The following GLMN variants were observed in gnomAD, a reference collection of about 807,000 sequenced individuals.
GLMN encodes glomulin, FKBP associated protein.
A neutral mutation model predicts 87.8 loss-of-function variants in GLMN; 75 were observed. The observed-to-expected ratio is 0.85, with a 90% confidence interval of 0.71 to 1.04. The LOEUF (loss-of-function observed/expected upper bound fraction) is 1.04. GLMN is among the 50% of genes least tolerant of loss of function. The pLI, the probability that GLMN is intolerant of heterozygous loss-of-function variation, is 0.00. For missense variants in GLMN, 588 were observed against 658.8 expected (o/e 0.89, Z 1.18); for synonymous variants, 206 against 221.6 (o/e 0.93, Z 0.63).
chr1:92,268,396 GC>G (rs1294162336), intron 9 of GLMN, among the ~76,000 whole-genome samples: 3 of 152,188 alleles, frequency 2.0e-5, no homozygotes, highest in Non-Finnish European at 4.4e-5. Flanking sequence ...ATCTTCAACA[GC>G]AAGTGCTAAG....
the GLMN span, among the ~76,000 whole-genome samples, chr1:92,349,510 G>A: frequency 1.3e-5 from 2 of 152,094 alleles, no homozygotes; most frequent in African/African-American, 2.4e-5. Context: ...GATAGTCCAG[G>A]ATAACATAAA....
chr1:92,351,963 TTC>T, the GLMN span, among the ~76,000 whole-genome samples: 1 of 152,150 alleles, frequency 6.6e-6, no homozygotes, highest in African/African-American at 2.4e-5. Flanking sequence ...GTGTGTTGTG[TTC>T]TGTGTGAATT....
At chr1:92,351,648 C>G in the GLMN span, among the ~76,000 whole-genome samples, 1 of 152,094 alleles carries the variant, frequency 6.6e-6, no homozygotes, top group Non-Finnish European at 1.5e-5. Context: ...CACAAGAGGT[C>G]ACTGTGCTGA....
the GLMN span, among the ~76,000 whole-genome samples, chr1:92,305,574 A>G: frequency 2.0e-5 from 3 of 151,882 alleles, no homozygotes; most frequent in Non-Finnish European, 4.4e-5. Flanking sequence ...TTTGTTCATC[A>G]GAAGTTTCAA....
chr1:92,297,338 G>A, intron 3 of GLMN, 66 bp downstream of exon 3: 4 of 1,584,278 alleles, frequency 2.5e-6, no homozygotes, highest in Non-Finnish European at 3.5e-6. Context: ...TAAATGACTG[G>A]ATGAATAGCA....
Position 92,291,592 on chromosome 1 carries a change from GTGTGCTTTCCTA to G in GLMN, c.166-67_166-56del. 1.9e-6 allele frequency: 3 copies of G among 1,575,570 alleles called. No homozygotes were observed. In the South Asian group the frequency reaches 3.3e-5, roughly 17 times the overall value. On this transcript the variant is annotated intron_variant, in intron 3 of 18. Transcript: ENST00000370360. ...CACTGCCATCTATAGGACTCTCGCA[GTGTGCTTTCCTA>G]TCTTGGAAGAGCTCAGAATTGTTTC...
At chr1:92,346,169 GT>G in the GLMN span, among the ~76,000 whole-genome samples, 14,570 of 140,232 alleles carry the variant, frequency 0.1, 1,896 homozygotes, top group African/African-American at 0.33. Context: ...TCTCTTTTTT[GT>G]TTTTTTTTTT....
intron 7 of GLMN, among the ~76,000 whole-genome samples, chr1:92,282,280 G>A (rs1648153760): frequency 6.6e-6 from 1 of 152,182 alleles, no homozygotes; most frequent in African/African-American, 2.4e-5. Context: ...CTGTATCTCA[G>A]ACCACAGTGC....
At chr1:92,279,764 A>G (rs1647766665) in intron 7 of GLMN, among the ~76,000 whole-genome samples, 1 of 152,236 alleles carries the variant, frequency 6.6e-6, no homozygotes, top group Admixed American at 6.5e-5. Context: ...ATACTGTGCT[A>G]TTCCCATAGT....
At chr1:92,323,681 A>C in the GLMN span, 1 of 1,613,828 alleles carries the variant, frequency 6.2e-7, no homozygotes, top group East Asian at 2.2e-5. Flanking sequence ...AAAGCTGGTC[A>C]CAAAGCTAAC....
At chr1:92,311,124 A>G in the GLMN span, among the ~76,000 whole-genome samples, 1 of 152,144 alleles carries the variant, frequency 6.6e-6, no homozygotes, top group African/African-American at 2.4e-5. Flanking sequence ...ATTGGTCCTG[A>G]TCTGCAGTTT....
chr1:92,369,671 G>T, the GLMN span, among the ~76,000 whole-genome samples: 279 of 152,200 alleles, frequency 1.8e-3, no homozygotes, highest in African/African-American at 6.3e-3. Context: ...CCCTTTCATT[G>T]TGTATTGGGG....
chr1:92,251,805 T>C (rs1206356853), intron 16 of GLMN, among the ~76,000 whole-genome samples: 5 of 151,960 alleles, frequency 3.3e-5, no homozygotes, highest in African/African-American at 1.2e-4. Flanking sequence ...TTTTTTTTTT[T>C]TTTTTAAGAT....
At chr1:92,324,131 A>G in the GLMN span, 52 of 1,614,144 alleles carry the variant, frequency 3.2e-5, no homozygotes, top group Non-Finnish European at 4.2e-5. Context: ...TCTCTGGTTA[A>G]AGAAGAACTT....
chr1:92,331,678 T>C, the GLMN span, among the ~76,000 whole-genome samples: 1 of 152,184 alleles, frequency 6.6e-6, no homozygotes, highest in Non-Finnish European at 1.5e-5. Context: ...ATTTCAAATA[T>C]ATTGCAAGAT....
rs558660585 is a variant in GLMN, at chr1:92,250,499, T to C, written c.1474-2510A>G. Among the ~76,000 whole-genome samples, 8 of 152,362 alleles carry C rather than the reference T, an allele frequency of 5.3e-5. No individual in the cohort carries two copies. In the East Asian group the frequency reaches 1.5e-3, roughly 29 times the overall value. On this transcript the variant is annotated intron_variant, in intron 16 of 18. Transcript: ENST00000370360. ...CAAAATAATGCAGCATTTACATTGC[T>C]GTATGTTTTCCCATTCACACGGGGT...
At chr1:92,368,360 CAG>C in the GLMN span, among the ~76,000 whole-genome samples, 100 of 152,206 alleles carry the variant, frequency 6.6e-4, 1 homozygote, top group African/African-American at 2.2e-3. Context: ...GCCTGGGCGA[CAG>C]AGCAAGACTC....
At chr1:92,296,712 C>T (rs1650105087) in intron 3 of GLMN, among the ~76,000 whole-genome samples, 1 of 152,122 alleles carries the variant, frequency 6.6e-6, no homozygotes, top group Non-Finnish European at 1.5e-5. Context: ...ATTCCTGATC[C>T]ACAAATAAGA....
chr1:92,345,983 T>C, the GLMN span: 3 of 1,079,126 alleles, frequency 2.8e-6, no homozygotes, highest in Admixed American at 4.0e-5. Flanking sequence ...AAAAACAAAG[T>C]GATCCACTGA....
Sources: allele counts gnomAD v4.1 joint callset (sites outside exome capture counted in the v4.1 genomes callset), GRCh38; gene constraint gnomAD v4.1.1; transcripts MANE v1.5; gene names NCBI Gene and HGNC (gene_info 2026-07-23, HGNC 2026-07-21).